The following NFIB variants were observed in gnomAD, a reference collection of about 807,000 sequenced individuals.
NFIB encodes the protein nuclear factor I B, also known as nuclear factor 1 B-type.
In NFIB, 11 loss-of-function variants were observed where a neutral mutation model predicts 61.5. That is an observed-to-expected ratio of 0.18 (90% CI 0.11 to 0.30). The LOEUF (loss-of-function observed/expected upper bound fraction) is 0.30. Among genes scored for constraint, NFIB ranks in the 10% least tolerant of loss-of-function variants. NFIB has a pLI of 1.00. For missense variants in NFIB, 471 were observed against 608.9 expected (o/e 0.77, Z 2.38); for synonymous variants, 260 against 216.5 (o/e 1.20, Z -1.76).
chr9:14,481,986 T>G, the NFIB span, among the ~76,000 whole-genome samples: 1 of 152,090 alleles, frequency 6.6e-6, no homozygotes, highest in Non-Finnish European at 1.5e-5. Context: ...CTGAAGCCCT[T>G]GAAAGTTATT....
At position 14,325,002 on chromosome 9, in the gene NFIB, T is replaced by C. The variant is rs188428316; in HGVS notation, c.109-17482A>G. Among the ~76,000 whole-genome samples the C allele has an allele frequency of 5.9e-5, 9 of 152,232 alleles. No individual in the cohort carries two copies. In the East Asian group the frequency reaches 1.7e-3, roughly 29 times the overall value. On this transcript the variant is annotated intron_variant, in intron 1 of 8. Transcript: ENST00000380934. The stretch of plus-strand genomic sequence containing the variant: ...GGTAAATAGTTATGGTCTTTTAATC[T>C]ACAACGTCGCCTGCTTTTCTGGTTT...
chr9:14,347,957 G>C (rs1057269046), intron 1 of NFIB, among the ~76,000 whole-genome samples: 1 of 152,160 alleles, frequency 6.6e-6, no homozygotes, highest in Non-Finnish European at 1.5e-5. Flanking sequence ...TCTGGTCTCC[G>C]CGCACCACGT....
intron 2 of NFIB, among the ~76,000 whole-genome samples, chr9:14,186,562 A>C (rs2047354040): frequency 6.6e-6 from 1 of 152,190 alleles, no homozygotes; most frequent in South Asian, 2.1e-4. Flanking sequence ...GGAAATAAAA[A>C]GGTAAAACAA....
intron 1 of NFIB, among the ~76,000 whole-genome samples, chr9:14,330,326 G>A (rs2060806060): frequency 6.6e-6 from 1 of 152,104 alleles, no homozygotes; most frequent in South Asian, 2.1e-4. Flanking sequence ...TAAGACCCTA[G>A]TAGAGAATCA....
intron 2 of NFIB, among the ~76,000 whole-genome samples, chr9:14,299,678 C>T (rs2059645290): frequency 1.3e-5 from 2 of 152,086 alleles, no homozygotes; most frequent in Admixed American, 1.3e-4. Flanking sequence ...CATCCATCAC[C>T]CCATATTTTT....
chr9:14,480,064 A>T, the NFIB span, among the ~76,000 whole-genome samples: 2 of 151,568 alleles, frequency 1.3e-5, no homozygotes, highest in African/African-American at 4.8e-5. Context: ...TGTTTTTTTT[A>T]ATTGCAGAGA....
At chr9:14,483,791 C>A in the NFIB span, among the ~76,000 whole-genome samples, 3 of 152,180 alleles carry the variant, frequency 2.0e-5, no homozygotes, top group African/African-American at 7.2e-5. Flanking sequence ...CACTTTGATT[C>A]TTTGCTGAAG....
chr9:14,478,907 G>T, the NFIB span, among the ~76,000 whole-genome samples: 9 of 152,298 alleles, frequency 5.9e-5, 1 homozygote, highest in South Asian at 1.9e-3. Flanking sequence ...TCACAAAATA[G>T]CATGTGTATT....
intron 1 of NFIB, among the ~76,000 whole-genome samples, chr9:14,359,850 A>G (rs937185577): frequency 2.6e-5 from 4 of 152,206 alleles, no homozygotes; most frequent in African/African-American, 9.7e-5. Context: ...ATTTAAAGAA[A>G]GACATTTAAA....
At chr9:14,408,440 T>G in the NFIB span, among the ~76,000 whole-genome samples, 1 of 152,080 alleles carries the variant, frequency 6.6e-6, no homozygotes, top group South Asian at 2.1e-4. Context: ...CATGGTACCA[T>G]ATGGTGAGTA....
chr9:14,332,828 G>T (rs1243602935), intron 1 of NFIB, among the ~76,000 whole-genome samples: 1 of 152,180 alleles, frequency 6.6e-6, no homozygotes, highest in African/African-American at 2.4e-5. Flanking sequence ...GGAAAATGAG[G>T]CTATAGCTAA....
At chr9:14,200,928 G>A (rs569404944) in intron 2 of NFIB, among the ~76,000 whole-genome samples, 7 of 152,052 alleles carry the variant, frequency 4.6e-5, no homozygotes, top group East Asian at 1.9e-4. Context: ...TTGCCTCCCC[G>A]CAACCAATCC....
At chr9:14,343,912 A>G (rs1025719981) in intron 1 of NFIB, among the ~76,000 whole-genome samples, 1 of 152,152 alleles carries the variant, frequency 6.6e-6, no homozygotes, top group African/African-American at 2.4e-5. Flanking sequence ...ACTGAAGTGC[A>G]AATGGACTTC....
the NFIB span, among the ~76,000 whole-genome samples, chr9:14,466,108 T>C: frequency 8.1e-4 from 124 of 152,216 alleles, no homozygotes; most frequent in Non-Finnish European, 1.6e-3. Context: ...TCCAGTTCCC[T>C]GATGGCCTCA....
the NFIB span, among the ~76,000 whole-genome samples, chr9:14,507,073 A>G: frequency 6.6e-6 from 1 of 152,226 alleles, no homozygotes; most frequent in African/African-American, 2.4e-5. Context: ...AAATCATTTA[A>G]AAAAGTTTTT....
intron 3 of NFIB, among the ~76,000 whole-genome samples, chr9:14,166,484 T>C (rs2044804841): frequency 6.6e-6 from 1 of 152,198 alleles, no homozygotes; most frequent in Non-Finnish European, 1.5e-5. Context: ...TTGTTTTTCA[T>C]CCAGGACATT....
chr9:14,305,921 G>C, intron 2 of NFIB: 11 of 1,238,194 alleles, frequency 8.9e-6, no homozygotes, highest in Non-Finnish European at 1.2e-5. Flanking sequence ...TCTACTTTTG[G>C]TATGCGGCTT....
the NFIB span, among the ~76,000 whole-genome samples, chr9:14,518,796 T>C: frequency 1.3e-5 from 2 of 152,124 alleles, no homozygotes; most frequent in Non-Finnish European, 2.9e-5. Context: ...AGATCTCTCC[T>C]TCACCCTCTT....
the NFIB span, among the ~76,000 whole-genome samples, chr9:14,437,647 T>C: frequency 6.6e-6 from 1 of 152,192 alleles, no homozygotes; most frequent in African/African-American, 2.4e-5. Flanking sequence ...TAATGGATTC[T>C]AACAGAGGAG....
Sources: gnomAD v4.1 joint callset for allele counts (sites outside exome capture counted in the v4.1 genomes callset) on GRCh38, gnomAD v4.1.1 for gene constraint, MANE v1.5 for transcripts, NCBI Gene and HGNC (gene_info 2026-07-23, HGNC 2026-07-21) for gene names.